Variants in URB1 observed in about 807,000 individuals in gnomAD.
The protein encoded by URB1 is nucleolar pre-ribosomal-associated protein 1.
A neutral mutation model predicts 242.3 loss-of-function variants in URB1; 197 were observed. The ratio of observed to expected loss-of-function variants is 0.81; its 90% CI spans 0.72 to 0.91. The LOEUF (loss-of-function observed/expected upper bound fraction) is 0.91. Among genes scored for constraint, URB1 ranks in the 40% least tolerant of loss-of-function variants. The pLI is 0.00. For missense variants in URB1, 2,721 were observed against 2,860.5 expected, an observed-to-expected ratio of 0.95 and a Z score of 1.11; for synonymous variants, 1,153 against 1,201.8, an observed-to-expected ratio of 0.96 and a Z score of 0.84.
intron 18 of URB1, 85 bp from the exon 19 acceptor site, chr21:32,352,991 A>G: frequency 7.2e-7 from 1 of 1,394,956 alleles, no homozygotes. Context: ...TTCCACATAC[A>G]GGCAAGACCC....
chr21:32,358,433 C>T (rs760168401), intron 14 of URB1, among the ~76,000 whole-genome samples: 1 of 152,130 alleles, frequency 6.6e-6, no homozygotes, highest in African/African-American at 2.4e-5. Context: ...GAACGGATTG[C>T]TTATGCATAA....
rs768123257 is a variant in URB1, at chr21:32,317,688, G to A, written c.6022C>T (p.Arg2008Trp). ...LRAAIEKAQA[R>W]ELMKMLKDKN... ...TTCTGACACTCACTCATGAGCTCCC[G>A]GGCTTGGGCCTTCTCAATGGCTGCT... The change falls in exon 37 of 39, where the codon CGG becomes TGG. Residue 2008 changes from arginine to tryptophan, a missense_variant. Physicochemically the swap from Arg to Trp is moderately radical, Grantham distance 101 (BLOSUM62 -3). Coordinates refer to ENST00000382751, the MANE Select transcript of URB1 (RefSeq NM_014825.3). 182 of 1,551,562 alleles carry A rather than the reference G, an allele frequency of 1.2e-4. 2 individuals carry two copies. The South Asian group carries it at 1.7e-3, about 14-fold the overall frequency.
At chr21:32,375,202 T>G (rs1249314579) in intron 6 of URB1, among the ~76,000 whole-genome samples, 196 bp downstream of exon 6, 1 of 152,232 alleles carries the variant, frequency 6.6e-6, no homozygotes, top group Non-Finnish European at 1.5e-5. Flanking sequence ...GCTTCAGCTA[T>G]TCTTTAACCT....
chr21:32,314,502 ATC>A lies in URB1; in HGVS notation c.*414_*415del. The A allele has an allele frequency of 6.5e-7, 1 of 1,535,318 alleles. No homozygotes were observed. ...ACCTGCTGAAAAATAAACTTTAAACATCTCTCTTCGTTTTCATAAAAAAAATC... is the reference window on the plus strand; with the variant it reads ...ACCTGCTGAAAAATAAACTTTAAACATCTCTTCGTTTTCATAAAAAAAATC... On this transcript the variant is annotated 3_prime_UTR_variant, in exon 39 of 39. Coordinates refer to ENST00000382751, the MANE Select transcript of URB1 (RefSeq NM_014825.3).
rs138913674 is a variant in URB1, at chr21:32,369,790, G to C, written c.1002-1192C>G. ...CAAATTCCTTCATTTTCATTTAGCAGATGAAAGAAGCTAGGATGTGGAAAA... is the reference window on the plus strand; with the variant it reads ...CAAATTCCTTCATTTTCATTTAGCACATGAAAGAAGCTAGGATGTGGAAAA... On this transcript the variant is annotated intron_variant, in intron 8 of 38. Coordinates refer to ENST00000382751, the MANE Select transcript of URB1 (RefSeq NM_014825.3). Among the ~76,000 whole-genome samples, 116 of 152,168 alleles carry C rather than the reference G, an allele frequency of 7.6e-4. 3 individuals are homozygous for C. The East Asian group carries it at 0.02, about 26-fold the overall frequency.
At position 32,317,777 on chromosome 21, in the gene URB1, A is replaced by ACGT; in HGVS notation, c.5930_5932dup (p.Asp1977dup). ...GCTCCACTTGTGCAAGAGGACAAGG[A>ACGT]CGTCCTTGGTGGAAAGCACTGTCTC... On this transcript the variant is annotated inframe_insertion, in exon 37 of 39. Coordinates refer to ENST00000382751, the MANE Select transcript of URB1 (RefSeq NM_014825.3). 6.4e-7 allele frequency: 1 copy of ACGT among 1,551,968 alleles called. No individual in the cohort carries two copies. Among genetic ancestry groups the ACGT allele is most frequent in the Non-Finnish European group, 8.7e-7 (1 of 1,147,060 alleles).
At chr21:32,359,978 C>T in intron 13 of URB1, 70 bp from the exon 14 acceptor site, 1 of 1,387,294 alleles carries the variant, frequency 7.2e-7, no homozygotes, top group Non-Finnish European at 9.9e-7. Context: ...GCTGCCCTGG[C>T]CAGAAGGACA....
chr21:32,325,177 T>A, intron 31 of URB1, 52 bp downstream of exon 31: 2 of 1,509,378 alleles, frequency 1.3e-6, no homozygotes, highest in East Asian at 5.0e-5. Flanking sequence ...GCCAGCTCTC[T>A]GAAGTCCGCC....
intron 7 of URB1, among the ~76,000 whole-genome samples, chr21:32,373,100 C>T (rs1416812161): frequency 6.6e-6 from 1 of 152,132 alleles, no homozygotes; most frequent in Non-Finnish European, 1.5e-5. Context: ...CAGTAACACC[C>T]TGAAGAAAAT....
intron 27 of URB1, 111 bp from the exon 28 acceptor site, chr21:32,337,268 T>G: frequency 7.4e-7 from 1 of 1,352,088 alleles, no homozygotes; most frequent in Non-Finnish European, 1.0e-6. Context: ...TCCTCATATC[T>G]TCACCCTGCT....
intron 14 of URB1, among the ~76,000 whole-genome samples, chr21:32,358,147 G>A (rs2033245647): frequency 6.6e-6 from 1 of 152,232 alleles, no homozygotes; most frequent in South Asian, 2.1e-4. Context: ...AGTAGCAAGA[G>A]TAAGCACAGG....
intron 7 of URB1, 49 bp from the exon 8 acceptor site, chr21:32,372,680 T>A (rs1370010279): frequency 6.6e-7 from 1 of 1,520,954 alleles, no homozygotes; most frequent in Non-Finnish European, 8.8e-7. Flanking sequence ...CTCATACACT[T>A]TAGTAAGAGC....
chr21:32,365,309 G>C (rs1333258868), intron 10 of URB1, among the ~76,000 whole-genome samples: 3 of 152,042 alleles, frequency 2.0e-5, no homozygotes, highest in African/African-American at 4.8e-5. Flanking sequence ...AAATTAGCTG[G>C]GTGTGGTGGT....
At chr21:32,357,722 T>C in intron 14 of URB1, 66 bp from the exon 15 acceptor site, 8 of 1,157,952 alleles carry the variant, frequency 6.9e-6, no homozygotes, top group Admixed American at 4.0e-5. Flanking sequence ...TAATATATAG[T>C]TATATATTAG....
chr21:32,351,081 T>C (rs1179978198), intron 19 of URB1, among the ~76,000 whole-genome samples, 159 bp from the exon 20 acceptor site: 1 of 152,242 alleles, frequency 6.6e-6, no homozygotes, highest in Non-Finnish European at 1.5e-5. Context: ...TTTACTTCAG[T>C]AGAGTAAGTT....
At position 32,385,703 on chromosome 21, in the gene URB1, T is replaced by C. The variant is rs1423741708; in HGVS notation, c.143-19A>G. The C allele has an allele frequency of 1.1e-5, 17 of 1,549,962 alleles. No homozygotes were observed. The East Asian group carries it at 4.2e-4, about 38-fold the overall frequency. ...TCCAAGCCTGAAAAAAAAGTTATGT[T>C]CAAACATTAACAAGGTCAGTCTTCT... On this transcript the variant is annotated intron_variant, in intron 1 of 38. Transcript: ENST00000382751.
intron 25 of URB1, 36 bp downstream of exon 25, chr21:32,341,430 T>C (rs1455423479): frequency 6.5e-7 from 1 of 1,547,980 alleles, no homozygotes; most frequent in Non-Finnish European, 8.7e-7. Context: ...ATTCACACCT[T>C]TACCGAAGGG....
chr21:32,311,589 C>A lies in URB1; in HGVS notation c.*3329G>T, dbSNP rs2032572654. On this transcript the variant is annotated 3_prime_UTR_variant, in exon 39 of 39. Coordinates refer to ENST00000382751, the MANE Select transcript of URB1 (RefSeq NM_014825.3). ...TGTGGCCTTCCCTATGGGGTCCGGG[C>A]AGATGGCAGGTGTGGCAGGAAACCC... The A allele has an allele frequency of 6.6e-7, 1 of 1,526,612 alleles. No homozygotes were observed. 94.6% of individuals were successfully genotyped at this position (1,526,612 alleles called of 1,614,324 possible).
intron 1 of URB1, among the ~76,000 whole-genome samples, chr21:32,391,226 G>T (rs2033634118): frequency 6.6e-6 from 1 of 151,312 alleles, no homozygotes; most frequent in Admixed American, 6.6e-5. Context: ...GTCGGGTCGG[G>T]GGGAGGGGGG....
Sources: gnomAD v4.1 joint callset for allele counts (sites outside exome capture counted in the v4.1 genomes callset) on GRCh38, gnomAD v4.1.1 for gene constraint, MANE v1.5 for transcripts, NCBI Gene and HGNC (gene_info 2026-07-23, HGNC 2026-07-21) for gene names.